CSMD1: variants seen among roughly 807,000 people sequenced by gnomAD.
CSMD1 encodes CUB and sushi domain-containing protein 1.
In CSMD1, 213 loss-of-function variants were observed where a neutral mutation model predicts 417.5. The ratio of observed to expected loss-of-function variants is 0.51; its 90% confidence interval spans 0.46 to 0.57. CSMD1 has a LOEUF of 0.57. CSMD1 is among the 20% of genes least tolerant of loss of function. The pLI is 0.00. For missense variants in CSMD1, 6,923 were observed against 4,529.7 expected, an observed-to-expected ratio of 1.53 and a Z score of -15.17; for synonymous variants, 2,862 against 1,736.8, an observed-to-expected ratio of 1.65 and a Z score of -16.11.
intron 7 of CSMD1, among the ~76,000 whole-genome samples, chr8:3,671,247 G>C (rs940789523): frequency 1.5e-5 from 2 of 137,756 alleles, no homozygotes; most frequent in Non-Finnish European, 3.2e-5. Context: ...ATATGTGTGG[G>C]ATATATATAT....
chr8:3,501,090 A>C (rs186066756), intron 10 of CSMD1, among the ~76,000 whole-genome samples: 2 of 152,250 alleles, frequency 1.3e-5, no homozygotes, highest in Non-Finnish European at 2.9e-5. Context: ...AAAATAAAAT[A>C]TACTATATAG....
chr8:3,721,952 G>A (rs747705723), intron 6 of CSMD1, among the ~76,000 whole-genome samples: 28 of 152,070 alleles, frequency 1.8e-4, no homozygotes, highest in Non-Finnish European at 2.5e-4. Flanking sequence ...ACCCAAGGCC[G>A]TCCTCATCCC....
At chr8:4,071,416 T>A (rs1799551535) in intron 3 of CSMD1, among the ~76,000 whole-genome samples, 1 of 152,204 alleles carries the variant, frequency 6.6e-6, no homozygotes, top group Non-Finnish European at 1.5e-5. Flanking sequence ...AATTGTAGTT[T>A]AGATATTTAA....
At chr8:4,796,148 C>G (rs1013287649) in intron 1 of CSMD1, among the ~76,000 whole-genome samples, 2 of 151,876 alleles carry the variant, frequency 1.3e-5, no homozygotes, top group South Asian at 2.1e-4. Flanking sequence ...AAAACTTAAG[C>G]CTCATCAAGG....
chr8:4,734,573 T>G (rs1012100780), intron 1 of CSMD1, among the ~76,000 whole-genome samples: 1 of 152,236 alleles, frequency 6.6e-6, no homozygotes, highest in Non-Finnish European at 1.5e-5. Context: ...TGCTGGGTAT[T>G]AAATTATATG....
At chr8:4,761,467 A>G (rs1812039870) in intron 1 of CSMD1, among the ~76,000 whole-genome samples, 1 of 152,014 alleles carries the variant, frequency 6.6e-6, no homozygotes, top group East Asian at 1.9e-4. Flanking sequence ...TTCCTTTATA[A>G]TTTCTAGTGT....
intron 5 of CSMD1, among the ~76,000 whole-genome samples, chr8:3,872,108 C>G (rs775586919): frequency 1.3e-5 from 2 of 152,290 alleles, no homozygotes; most frequent in African/African-American, 4.8e-5. Context: ...TCTCAAATTT[C>G]TTTCCATTCT....
chr8:4,578,005 T>C (rs1165962695), intron 2 of CSMD1, among the ~76,000 whole-genome samples: 1 of 152,176 alleles, frequency 6.6e-6, no homozygotes, highest in East Asian at 1.9e-4. Flanking sequence ...GGATCACATA[T>C]TTGGTGGACC....
intron 49 of CSMD1, among the ~76,000 whole-genome samples, chr8:3,075,271 TC>T (rs1563310564): frequency 2.7e-5 from 2 of 73,520 alleles, no homozygotes; most frequent in Non-Finnish European, 6.3e-5. Context: ...TCTTTTCTTT[TC>T]TTTCTTTCTT....
At chr8:4,971,334 TA>T (rs1810224278) in intron 1 of CSMD1, among the ~76,000 whole-genome samples, 1 of 152,040 alleles carries the variant, frequency 6.6e-6, no homozygotes, top group South Asian at 2.1e-4. Flanking sequence ...ACTCTGATAC[TA>T]AAAAATAATC....
chr8:3,397,312 G>A (rs986242526), intron 16 of CSMD1, among the ~76,000 whole-genome samples: 1 of 152,166 alleles, frequency 6.6e-6, no homozygotes, highest in African/African-American at 2.4e-5. Context: ...TGATGAATTG[G>A]GAGAAAACTT....
At chr8:4,412,289 T>A (rs1448098778) in intron 3 of CSMD1, among the ~76,000 whole-genome samples, 1 of 152,080 alleles carries the variant, frequency 6.6e-6, no homozygotes, top group South Asian at 2.1e-4. Context: ...TTTACCACCA[T>A]CCTCTCGGTT....
At chr8:3,425,638 C>G (rs915472826) in intron 12 of CSMD1, among the ~76,000 whole-genome samples, 62 of 151,672 alleles carry the variant, frequency 4.1e-4, no homozygotes, top group Non-Finnish European at 8.8e-4. Flanking sequence ...AGGAAATGCC[C>G]TGTCCCAGCA....
intron 2 of CSMD1, among the ~76,000 whole-genome samples, chr8:4,551,562 G>A (rs977027911): frequency 5.3e-5 from 8 of 152,106 alleles, no homozygotes; most frequent in Non-Finnish European, 7.4e-5. Flanking sequence ...CTCTCTGCAG[G>A]TTCCAGGCAC....
intron 54 of CSMD1, among the ~76,000 whole-genome samples, chr8:2,990,823 T>TA (rs1806318859): frequency 6.6e-6 from 1 of 152,212 alleles, no homozygotes; most frequent in South Asian, 2.1e-4. Context: ...GGCCCAGAGC[T>TA]ATGCAAGGTA....
chr8:3,299,199 C>A (rs1012243178), intron 25 of CSMD1, among the ~76,000 whole-genome samples: 1 of 152,128 alleles, frequency 6.6e-6, no homozygotes, highest in Admixed American at 6.6e-5. Flanking sequence ...CGCCTGTAAT[C>A]CCAGTATTTT....
intron 3 of CSMD1, among the ~76,000 whole-genome samples, chr8:4,278,484 T>C (rs1444960717): frequency 1.3e-5 from 2 of 152,234 alleles, no homozygotes; most frequent in African/African-American, 4.8e-5. Context: ...AGCAGCATTT[T>C]AATATTAGGT....
At chr8:4,328,978 T>C (rs1799712866) in intron 3 of CSMD1, among the ~76,000 whole-genome samples, 1 of 152,252 alleles carries the variant, frequency 6.6e-6, no homozygotes. Context: ...TCTTCTGTGA[T>C]ATTTATTTTT....
rs182708509 is a variant in CSMD1 at position 4,407,287 on chromosome 8, A to T, written c.415+12666T>A. ...ACCTTAACTTTTGGAGTAATTTCAT[A>T]GGAATAAAATCACTGCTATAATATA... On this transcript the variant is annotated intron_variant, in intron 3 of 69. Transcript: ENST00000635120. Among the ~76,000 whole-genome samples, 97 of 152,360 alleles carry T rather than the reference A, an allele frequency of 6.4e-4. 1 individual carries two copies. Among genetic ancestry groups the T allele is most frequent in the African/African-American group, 2.2e-3 (91 of 41,592 alleles).
Sources: gnomAD v4.1 joint callset for allele counts (sites outside exome capture counted in the v4.1 genomes callset) on GRCh38, gnomAD v4.1.1 for gene constraint, MANE v1.5 for transcripts, NCBI Gene and HGNC (gene_info 2026-07-23, HGNC 2026-07-21) for gene names.